Variants in GLIPR1L2 observed in about 807,000 individuals in gnomAD.
The protein encoded by GLIPR1L2 is GLIPR1-like protein 2.
A neutral mutation model predicts 28.4 loss-of-function variants in GLIPR1L2; 21 were observed. The ratio of observed to expected loss-of-function variants is 0.74; its 90% CI spans 0.52 to 1.06. The LOEUF (loss-of-function observed/expected upper bound fraction) is 1.06, where lower values mean the gene tolerates loss of function less well. Among genes scored for constraint, GLIPR1L2 ranks in the 50% least tolerant of loss-of-function variants. GLIPR1L2 has a pLI of 0.00. For synonymous variants in GLIPR1L2, 145 were observed against 139.3 expected (o/e 1.04, Z -0.29); for missense variants, 476 against 416.9 (o/e 1.14, Z -1.23).
chr12:75,415,621 C>T (rs913667678), intron 3 of GLIPR1L2, among the ~76,000 whole-genome samples: 1 of 152,022 alleles, frequency 6.6e-6, no homozygotes, highest in African/African-American at 2.4e-5. Context: ...GGAGGATTGG[C>T]GAAGTACCTG....
intron 1 of GLIPR1L2, among the ~76,000 whole-genome samples, chr12:75,401,447 T>C (rs771614843): frequency 7.2e-5 from 11 of 151,750 alleles, no homozygotes; most frequent in Non-Finnish European, 1.6e-4. Context: ...ATAGAAAATA[T>C]ATCAAGTGAA....
chr12:75,418,553 C>T lies in GLIPR1L2; in HGVS notation c.585-4351C>T, dbSNP rs140307228. 3.0e-4 allele frequency among the ~76,000 whole-genome samples: 45 copies of T among 152,116 alleles called. 1 individual carries two copies. In the East Asian group the frequency reaches 8.5e-3, roughly 29 times the overall value. ...ATATCAGATGGTTGTAGATATGTGG[C>T]GTTATTCCTGAGGCCTCTGTTCTGT... On this transcript the variant is annotated intron_variant, in intron 3 of 5. Transcript: ENST00000550916.
chr12:75,403,023 T>TA lies in GLIPR1L2; in HGVS notation c.235-7410dup, dbSNP rs78158439. Reference sequence around the variant, plus strand: ...ACAATTTTTCCTTTAACAGTTATGGTACTGCTGTGACTCCGATGGTAGCAG... The same window carrying TA: ...ACAATTTTTCCTTTAACAGTTATGGTAACTGCTGTGACTCCGATGGTAGCAG... On this transcript the variant is annotated intron_variant, in intron 1 of 5. Coordinates refer to ENST00000550916, the MANE Select transcript of GLIPR1L2 (RefSeq NM_001270396.2). 1,855 of 457,144 alleles carry TA rather than the reference T, an allele frequency of 4.1e-3. 93 individuals carry two copies. In the East Asian group the frequency reaches 0.11, roughly 26 times the overall value. The allele number at this position is 457,144 out of a possible 1,614,324, so 28.3% of individuals were successfully genotyped here.
rs1278480582 is a variant in GLIPR1L2 at position 75,404,709 on chromosome 12, GT to G, written c.235-5718del. On this transcript the variant is annotated intron_variant, in intron 1 of 5. Transcript: ENST00000550916. Reference sequence around the variant, plus strand: ...ACAAATGTGTATTTAACCCTTTTTAGTTTTTTTGCTGTTGTTATTCTTTTAT... The same window carrying G: ...ACAAATGTGTATTTAACCCTTTTTAGTTTTTTGCTGTTGTTATTCTTTTAT... Among the ~76,000 whole-genome samples the G allele has an allele frequency of 1.1e-4, 17 of 151,976 alleles. No homozygotes were observed. In the East Asian group the frequency reaches 1.9e-3, roughly 17 times the overall value.
chr12:75,423,024 TAATGGATTGGACAA>T, intron 4 of GLIPR1L2, 35 bp downstream of exon 4: 1 of 1,595,638 alleles, frequency 6.3e-7, no homozygotes, highest in South Asian at 1.1e-5. Context: ...AAAAAATGCA[TAATGGATTGGACAA>T]GAAAAATAAG....
intron 1 of GLIPR1L2, 91 bp from the exon 2 acceptor site, chr12:75,410,343 T>C (rs1469656300): frequency 8.2e-7 from 1 of 1,218,020 alleles, no homozygotes; most frequent in East Asian, 2.6e-5. Context: ...TAGAATTGTT[T>C]CCTTTAAATC....
intron 3 of GLIPR1L2, among the ~76,000 whole-genome samples, chr12:75,417,887 T>C (rs2045938633): frequency 6.6e-6 from 1 of 152,122 alleles, no homozygotes; most frequent in South Asian, 2.1e-4. Context: ...CAATATTAAT[T>C]CGATTACTCT....
chr12:75,418,677 A>T (rs2045947669), intron 3 of GLIPR1L2, among the ~76,000 whole-genome samples: 3 of 151,400 alleles, frequency 2.0e-5, no homozygotes, highest in Admixed American at 2.0e-4. Context: ...TTTTAGTTCC[A>T]TATGAAATTT....
At chr12:75,402,944 A>G (rs766348374) in intron 1 of GLIPR1L2, 2 of 455,052 alleles carry the variant, frequency 4.4e-6, no homozygotes, top group Admixed American at 2.4e-5. Context: ...TAGTCTTGCC[A>G]CCTACCACAA....
chr12:75,410,397 C>A, intron 1 of GLIPR1L2, 37 bp from the exon 2 acceptor site: 2 of 1,439,090 alleles, frequency 1.4e-6, no homozygotes, highest in Non-Finnish European at 9.2e-7. Context: ...CAAAAAAAAA[C>A]TTATTTTGTT....
chr12:75,400,959 T>C (rs12814435), intron 1 of GLIPR1L2, among the ~76,000 whole-genome samples: 26,560 of 151,834 alleles, frequency 0.17, 2,558 homozygotes, highest in Admixed American at 0.24. Flanking sequence ...TTTAATCATA[T>C]GTAATTTTAA....
chr12:75,429,938 C>CTTTTTTTTTTTTTTTTTTTTTTTTA (rs34354324), intron 4 of GLIPR1L2, among the ~76,000 whole-genome samples: 1 of 128,656 alleles, frequency 7.8e-6, no homozygotes, highest in African/African-American at 3.1e-5. Flanking sequence ...TCTTTTCTTT[C>CTTTTTTTTTTTTTTTTTTTTTTTTA]TTTTTTTTTT....
intron 4 of GLIPR1L2, chr12:75,424,104 A>G (rs2046008822): frequency 6.6e-6 from 1 of 152,194 alleles, no homozygotes; most frequent in African/African-American, 2.4e-5. Flanking sequence ...TACTGGGCCA[A>G]ATAGTATTTT....
chr12:75,398,708 A>G (rs896773512), intron 1 of GLIPR1L2, among the ~76,000 whole-genome samples: 1 of 152,210 alleles, frequency 6.6e-6, no homozygotes, highest in Non-Finnish European at 1.5e-5. Flanking sequence ...ATTTAATATT[A>G]CAAATAAATC....
At chr12:75,418,068 A>G (rs1172944158) in intron 3 of GLIPR1L2, among the ~76,000 whole-genome samples, 2 of 152,114 alleles carry the variant, frequency 1.3e-5, no homozygotes, top group African/African-American at 4.8e-5. Flanking sequence ...TTAGTTAAAT[A>G]TAATTTTGTT....
In GLIPR1L2 at chr12:75,431,185, T is replaced by C. The variant is rs1481648555; in HGVS notation, c.*24T>C. The C allele has an allele frequency of 4.8e-6, 3 of 628,340 alleles. No individual in the cohort carries two copies. Among genetic ancestry groups the C allele is most frequent in the Non-Finnish European group, 5.5e-6 (2 of 363,264 alleles). 38.9% of individuals were successfully genotyped at this position (628,340 alleles called of 1,614,324 possible). On this transcript the variant is annotated 3_prime_UTR_variant, in exon 6 of 6. Coordinates refer to ENST00000550916, the MANE Select transcript of GLIPR1L2 (RefSeq NM_001270396.2). ...AAGAGTAGAAAGAGGAGGAAAAAGA[T>C]GTATCACCAATATAAACCAAAAGTG... is the stretch of plus-strand genomic sequence containing the variant.
At position 75,422,973 on chromosome 12, in the gene GLIPR1L2, C is replaced by T. The variant is rs745513484; in HGVS notation, c.654C>T (p.Cys218=). The T allele has an allele frequency of 1.2e-6, 2 of 1,612,392 alleles. No homozygotes were observed. The highest frequency in any genetic ancestry group is 1.7e-5 in the Admixed American group (1 of 59,850). The change falls in exon 4 of 6, where the codon TGC becomes TGT. Residue 218 remains cysteine (C), a synonymous_variant. Coordinates refer to ENST00000550916, the MANE Select transcript of GLIPR1L2 (RefSeq NM_001270396.2). ...CTCGATGTGGCAGACGTGACAAATGCACAGATTTTCTATGCAGTAAGATAA... is the reference window on the plus strand; with the variant it reads ...CTCGATGTGGCAGACGTGACAAATGTACAGATTTTCTATGCAGTAAGATAA... ...FCTRCGRRDK[C]TDFLCSNADR... is the part of the protein sequence containing the mutation.
chr12:75,396,645 A>G (rs901538079), intron 1 of GLIPR1L2, among the ~76,000 whole-genome samples: 3 of 152,182 alleles, frequency 2.0e-5, no homozygotes, highest in South Asian at 2.1e-4. Flanking sequence ...AGAGGTTCCC[A>G]CAGTATGGTT....
rs1178442131 is a variant in GLIPR1L2 at position 75,422,947 on chromosome 12, A to G, written c.628A>G (p.Thr210Ala). 1 of 1,612,722 alleles carries G rather than the reference A, an allele frequency of 6.2e-7. No homozygotes were observed. The highest frequency in any genetic ancestry group is 8.5e-7 in the Non-Finnish European group (1 of 1,179,596). The stretch of plus-strand genomic sequence containing the variant: ...ACCTTATGAACCAGGAATATTTTGT[A>G]CTCGATGTGGCAGACGTGACAAATG... ...RRPYEPGIFC[T>A]RCGRRDKCTD... The change falls in exon 4 of 6, where the codon ACT becomes GCT. Residue 210 changes from threonine to alanine, a missense_variant. Thr to Ala is a moderately conservative substitution (Grantham distance 58). Coordinates refer to ENST00000550916, the MANE Select transcript of GLIPR1L2 (RefSeq NM_001270396.2).
Sources: gnomAD v4.1 joint callset for allele counts (sites outside exome capture counted in the v4.1 genomes callset) on GRCh38, gnomAD v4.1.1 for gene constraint, MANE v1.5 for transcripts, NCBI Gene and HGNC (gene_info 2026-07-23, HGNC 2026-07-21) for gene names.